CKAP5: variants seen among roughly 807,000 people sequenced by gnomAD.
The protein encoded by CKAP5 is cytoskeleton associated protein 5.
In CKAP5, 27 loss-of-function variants were observed where a neutral mutation model predicts 232.8. The observed-to-expected ratio is 0.12, with a 90% confidence interval of 0.09 to 0.16. The LOEUF (loss-of-function observed/expected upper bound fraction) is 0.16, where lower values mean the gene tolerates loss of function less well. CKAP5 is among the 10% of genes least tolerant of loss of function. The probability of loss-of-function intolerance (pLI) is 1.00; values close to 1 mark genes in which losing one functional copy is unlikely to be tolerated. For synonymous variants in CKAP5, 785 were observed against 841.1 expected (o/e 0.93, Z 1.16); for missense variants, 1,838 against 2,424.7 (o/e 0.76, Z 5.08).
intron 18 of CKAP5, among the ~76,000 whole-genome samples, 156 bp from the exon 19 acceptor site, chr11:46,780,641 CAG>C (rs1276990610): frequency 6.6e-6 from 1 of 152,156 alleles, no homozygotes; most frequent in Non-Finnish European, 1.5e-5. Context: ...TTATTTGAGA[CAG>C]AGTCTTGCTC....
intron 8 of CKAP5, among the ~76,000 whole-genome samples, chr11:46,802,815 T>A (rs79067000): frequency 6.6e-6 from 1 of 152,270 alleles, no homozygotes; most frequent in South Asian, 2.1e-4. Context: ...TTGGCACTTA[T>A]ATGCACTCCT....
At chr11:46,825,933 T>C (rs1386698017) in intron 1 of CKAP5, among the ~76,000 whole-genome samples, 4 of 152,040 alleles carry the variant, frequency 2.6e-5, no homozygotes, top group Non-Finnish European at 5.9e-5. Flanking sequence ...CATCTCTGAG[T>C]AGCAGGTGGC....
intron 1 of CKAP5, among the ~76,000 whole-genome samples, chr11:46,829,835 T>A (rs1939736215): frequency 1.2e-5 from 1 of 83,102 alleles, no homozygotes; most frequent in Non-Finnish European, 2.9e-5. Context: ...ATTCCTTTTT[T>A]GTATGTGTGT....
chr11:46,832,034 T>C (rs1331850012), intron 1 of CKAP5, among the ~76,000 whole-genome samples: 1 of 151,824 alleles, frequency 6.6e-6, no homozygotes, highest in Non-Finnish European at 1.5e-5. Flanking sequence ...CCAACTTTTT[T>C]ACTTTTTGTA....
Position 46,750,616 on chromosome 11 carries a change from A to G in CKAP5, c.5461-5T>C, listed in dbSNP as rs1439290397. 2 of 1,608,642 alleles carry G rather than the reference A, an allele frequency of 1.2e-6. No homozygotes were observed. The highest frequency in any genetic ancestry group is 1.7e-6 in the Non-Finnish European group (2 of 1,176,256). On this transcript the variant is annotated splice_polypyrimidine_tract_variant and splice_region_variant and intron_variant, in intron 40 of 43. Coordinates refer to ENST00000529230, the MANE Select transcript of CKAP5 (RefSeq NM_001008938.4). ...GGCCTTTGATGATTTTTCATCCTGA[A>G]AAGTTGAAAGACATAGGAAGAATTG... is the stretch of plus-strand genomic sequence containing the variant.
chr11:46,786,999 G>A (rs2065399934), intron 16 of CKAP5, among the ~76,000 whole-genome samples: 1 of 152,074 alleles, frequency 6.6e-6, no homozygotes, highest in African/African-American at 2.4e-5. Flanking sequence ...CTATGAATTT[G>A]AGAAAAAAAT....
At position 46,762,737 on chromosome 11, in the gene CKAP5, C is replaced by T. The variant is rs1350270080; in HGVS notation, c.3917G>A (p.Arg1306His). The T allele has an allele frequency of 1.2e-6, 2 of 1,613,906 alleles. No individual in the cohort carries two copies. Among genetic ancestry groups the T allele is most frequent in the Admixed American group, 1.7e-5 (1 of 59,994 alleles). ...GTTCAGGATGGCACGAACATCTTTA[C>T]GAATGACATCCTTTGGTTCTCCAAC... ...VKVGEPKDVI[R>H]KDVRAILNRM... Residue 1306 changes from arginine to histidine, a missense_variant, in exon 31 of 44, where the codon CGT becomes CAT. Coordinates refer to ENST00000529230, the MANE Select transcript of CKAP5 (RefSeq NM_001008938.4).
At chr11:46,836,751 G>A (rs938236497) in intron 1 of CKAP5, among the ~76,000 whole-genome samples, 1 of 152,158 alleles carries the variant, frequency 6.6e-6, no homozygotes, top group African/African-American at 2.4e-5. Flanking sequence ...CTTACCATAT[G>A]ATCCAGCAAC....
At position 46,762,183 on chromosome 11, in the gene CKAP5, T is replaced by C. The variant is rs776715935; in HGVS notation, c.4038A>G (p.Glu1346=). ...KNSKQRAECL[E]ELGCLVESYG... ...AGGACTCAACCAGACATCCCAGCTC[T>C]TCCAGGCACTCTGATGGGGGAGAAA... Residue 1346 remains glutamate (E), a synonymous_variant, in exon 32 of 44, where the codon GAA becomes GAG. Coordinates refer to ENST00000529230, the MANE Select transcript of CKAP5 (RefSeq NM_001008938.4). The C allele has an allele frequency of 1.2e-6, 2 of 1,613,580 alleles. No homozygotes were observed. Among genetic ancestry groups the C allele is most frequent in the African/African-American group, 2.7e-5 (2 of 74,930 alleles).
chr11:46,764,168 T>C (rs1213582810), intron 28 of CKAP5, among the ~76,000 whole-genome samples: 1 of 151,952 alleles, frequency 6.6e-6, no homozygotes. Context: ...AAAAAAAAAA[T>C]TAATCCTACA....
chr11:46,843,665 G>A (rs1232143242), intron 1 of CKAP5, among the ~76,000 whole-genome samples: 1 of 150,354 alleles, frequency 6.7e-6, no homozygotes, highest in Non-Finnish European at 1.5e-5. Flanking sequence ...TGGAGGTGGA[G>A]GCTGCAGTGA....
At position 46,744,103 on chromosome 11, in the gene CKAP5, T is replaced by C; in HGVS notation, c.6019A>G (p.Thr2007Ala). The change falls in exon 44 of 44, where the codon ACT (threonine) becomes GCT (alanine). Residue 2007 changes from threonine to alanine, a missense_variant. Coordinates refer to ENST00000529230, the MANE Select transcript of CKAP5 (RefSeq NM_001008938.4). ...LDSNQTHSSG[T>A]VTSSSSTANI... ...GCTGTGGAGGAGGAGGAGGTCACAGTTCCTGAAGAGTGAGTCTGGTTAGAA... is the reference window on the plus strand; with the variant it reads ...GCTGTGGAGGAGGAGGAGGTCACAGCTCCTGAAGAGTGAGTCTGGTTAGAA... 1 of 1,614,064 alleles carries C rather than the reference T, an allele frequency of 6.2e-7. No individual in the cohort carries two copies. Among genetic ancestry groups the C allele is most frequent in the Non-Finnish European group, 8.5e-7 (1 of 1,180,020 alleles).
At chr11:46,767,455 GATA>G in intron 27 of CKAP5, 117 bp downstream of exon 27, 2 of 557,464 alleles carry the variant, frequency 3.6e-6, no homozygotes, top group Non-Finnish European at 6.0e-6. Flanking sequence ...TAAATAATTT[GATA>G]ATATCAACAG....
At chr11:46,802,123 G>A (rs539434530) in intron 8 of CKAP5, 2 of 152,136 alleles carry the variant, frequency 1.3e-5, no homozygotes, top group Non-Finnish European at 2.9e-5. Context: ...TTCTTCTGAG[G>A]GAGCTTCTGG....
At chr11:46,787,233 G>A (rs1426721401) in intron 16 of CKAP5, among the ~76,000 whole-genome samples, 1 of 152,174 alleles carries the variant, frequency 6.6e-6, no homozygotes, top group East Asian at 1.9e-4. Context: ...TGTGGAGCTG[G>A]CCTATACGAA....
intron 28 of CKAP5, among the ~76,000 whole-genome samples, chr11:46,764,367 A>G (rs553394934): frequency 6.6e-6 from 1 of 152,298 alleles, no homozygotes; most frequent in South Asian, 2.1e-4. Context: ...ACCAGAAACA[A>G]CCTAAATGTC....
At chr11:46,798,324 CA>C in intron 9 of CKAP5, 152 bp from the exon 10 acceptor site, 1 of 641,898 alleles carries the variant, frequency 1.6e-6, no homozygotes, top group African/African-American at 1.8e-5. Context: ...CCTGTAATCC[CA>C]GCACTTTGGG....
intron 38 of CKAP5, among the ~76,000 whole-genome samples, chr11:46,752,025 T>C (rs1383916083): frequency 6.6e-6 from 1 of 151,710 alleles, no homozygotes; most frequent in Non-Finnish European, 1.5e-5. Flanking sequence ...TGTTTCAAAC[T>C]TCTTTCCTTT....
chr11:46,845,313 A>T (rs1435786225), intron 1 of CKAP5, among the ~76,000 whole-genome samples: 1 of 152,200 alleles, frequency 6.6e-6, no homozygotes, highest in Admixed American at 6.5e-5. Flanking sequence ...AATTAGAGCC[A>T]CGCATAAATT....
Sources: gnomAD v4.1 joint callset for allele counts (sites outside exome capture counted in the v4.1 genomes callset) on GRCh38, gnomAD v4.1.1 for gene constraint, MANE v1.5 for transcripts, NCBI Gene and HGNC (gene_info 2026-07-23, HGNC 2026-07-21) for gene names.